The following PRMT3 variants were observed in gnomAD, a reference collection of about 807,000 sequenced individuals.
PRMT3 encodes protein arginine N-methyltransferase 3.
In PRMT3, 62 loss-of-function variants were observed where a neutral mutation model predicts 71.9. That is an observed-to-expected ratio of 0.86 (90% CI 0.70 to 1.07). PRMT3 has a LOEUF of 1.07. Ranked by LOEUF, PRMT3 falls within the 50% of genes least tolerant of loss-of-function variation. The pLI is 0.00. For missense variants in PRMT3, 663 were observed against 643.0 expected, an observed-to-expected ratio of 1.03 and a Z score of -0.34; for synonymous variants, 213 against 220.4, an observed-to-expected ratio of 0.97 and a Z score of 0.30.
intron 3 of PRMT3, among the ~76,000 whole-genome samples, chr11:20,390,584 TACTC>T (rs937552729): frequency 2.0e-5 from 3 of 152,236 alleles, no homozygotes; most frequent in Non-Finnish European, 2.9e-5. Context: ...ATATGCAAAA[TACTC>T]AGGTGATGTT....
intron 4 of PRMT3, among the ~76,000 whole-genome samples, chr11:20,392,598 A>G (rs1014738487): frequency 6.7e-6 from 1 of 148,386 alleles, no homozygotes; most frequent in Non-Finnish European, 1.5e-5. Context: ...GCTCTTTTTT[A>G]TTCTGTTTTT....
chr11:20,425,643 C>G (rs1849529782), intron 9 of PRMT3, among the ~76,000 whole-genome samples: 1 of 152,144 alleles, frequency 6.6e-6, no homozygotes, highest in Non-Finnish European at 1.5e-5. Context: ...TGGAGGAAGC[C>G]AGGCACAAAA....
At chr11:20,475,503 T>C (rs903691954) in intron 13 of PRMT3, among the ~76,000 whole-genome samples, 53 of 152,330 alleles carry the variant, frequency 3.5e-4, no homozygotes, top group African/African-American at 1.1e-3. Flanking sequence ...TATAATCTTA[T>C]GTGACCACCA....
At chr11:20,391,789 A>C (rs1848721746) in intron 3 of PRMT3, among the ~76,000 whole-genome samples, 2 of 152,152 alleles carry the variant, frequency 1.3e-5, no homozygotes, top group Non-Finnish European at 2.9e-5. Context: ...GCATCATTTA[A>C]CTTCATGTAA....
intron 13 of PRMT3, among the ~76,000 whole-genome samples, chr11:20,492,248 G>A (rs181453079): frequency 1.3e-5 from 2 of 152,260 alleles, no homozygotes; most frequent in Non-Finnish European, 2.9e-5. Flanking sequence ...GTATAGTGGT[G>A]AACAAGACAG....
At chr11:20,479,120 C>G (rs1335535226) in intron 13 of PRMT3, among the ~76,000 whole-genome samples, 1 of 152,038 alleles carries the variant, frequency 6.6e-6, no homozygotes, top group Non-Finnish European at 1.5e-5. Flanking sequence ...TTATGTGATC[C>G]CACCTCTACA....
intron 5 of PRMT3, among the ~76,000 whole-genome samples, chr11:20,394,296 A>C (rs1250342058): frequency 6.6e-6 from 1 of 152,226 alleles, no homozygotes; most frequent in Non-Finnish European, 1.5e-5. Flanking sequence ...CTCTTTGTAG[A>C]GAAGTGAAAT....
chr11:20,414,445 G>C (rs1263937298), intron 9 of PRMT3, among the ~76,000 whole-genome samples: 1 of 152,050 alleles, frequency 6.6e-6, no homozygotes, highest in Non-Finnish European at 1.5e-5. Flanking sequence ...ATCAGAAATT[G>C]TTTCTTATTT....
At chr11:20,468,000 G>T (rs1234740165) in intron 13 of PRMT3, among the ~76,000 whole-genome samples, 5 of 152,116 alleles carry the variant, frequency 3.3e-5, no homozygotes, top group Admixed American at 6.5e-5. Context: ...TGGATTAGTC[G>T]CCCAGTTTAT....
intron 9 of PRMT3, among the ~76,000 whole-genome samples, chr11:20,424,228 A>C (rs895214358): frequency 1.1e-4 from 16 of 147,500 alleles, no homozygotes; most frequent in African/African-American, 3.5e-4. Flanking sequence ...AATGATCAAG[A>C]ATAGCCAGAA....
chr11:20,457,154 T>C (rs1294998614), intron 11 of PRMT3, among the ~76,000 whole-genome samples: 1 of 152,174 alleles, frequency 6.6e-6, no homozygotes, highest in South Asian at 2.1e-4. Flanking sequence ...GTTTTTGCCT[T>C]GTCATCTCAT....
At chr11:20,494,362 G>C in intron 15 of PRMT3, 108 bp downstream of exon 15, 1 of 965,430 alleles carries the variant, frequency 1.0e-6, no homozygotes, top group East Asian at 2.5e-5. Flanking sequence ...TTTTTGAGAC[G>C]GAGTCTCGCT....
chr11:20,392,968 A>G lies in PRMT3; in HGVS notation c.369A>G (p.Pro123=). Reference sequence around the variant, plus strand: ...GGGAGAAAGAAGAGTATTTGAAGCCAGTATTAGAAGATGACCTTTTACTTC... The same window carrying G: ...GGGAGAAAGAAGAGTATTTGAAGCCGGTATTAGAAGATGACCTTTTACTTC... ...VPWEKEEYLK[P]VLEDDLLLQF... The change falls in exon 5 of 16, where the codon CCA becomes CCG. Residue 123 remains proline, a synonymous_variant. Coordinates refer to ENST00000331079, the MANE Select transcript of PRMT3 (RefSeq NM_005788.4). 1.2e-6 allele frequency: 2 copies of G among 1,604,150 alleles called. No individual in the cohort carries two copies. The highest frequency in any genetic ancestry group is 1.7e-6 in the Non-Finnish European group (2 of 1,171,040).
intron 10 of PRMT3, among the ~76,000 whole-genome samples, chr11:20,441,981 C>A (rs1432796566): frequency 1.3e-5 from 2 of 152,058 alleles, no homozygotes; most frequent in African/African-American, 4.8e-5. Flanking sequence ...TTAGTAGAGA[C>A]GGGGTTTCGC....
At chr11:20,470,632 A>G (rs944071484) in intron 13 of PRMT3, among the ~76,000 whole-genome samples, 11 of 152,154 alleles carry the variant, frequency 7.2e-5, no homozygotes, top group African/African-American at 2.2e-4. Flanking sequence ...TTCTTTATCC[A>G]GTCTACCATT....
intron 13 of PRMT3, among the ~76,000 whole-genome samples, chr11:20,476,649 AATTC>A (rs1455854741): frequency 6.6e-6 from 1 of 152,006 alleles, no homozygotes; most frequent in African/African-American, 2.4e-5. Context: ...CCTACTTTTT[AATTC>A]ATTATTTCTT....
At chr11:20,409,898 A>G (rs1420375268) in intron 9 of PRMT3, among the ~76,000 whole-genome samples, 6 of 152,080 alleles carry the variant, frequency 3.9e-5, no homozygotes, top group Non-Finnish European at 7.4e-5. Context: ...AGAATTCTCA[A>G]AATTTTATTG....
At chr11:20,432,829 C>G (rs1487022480) in intron 10 of PRMT3, among the ~76,000 whole-genome samples, 1 of 151,890 alleles carries the variant, frequency 6.6e-6, no homozygotes, top group East Asian at 1.9e-4. Context: ...TTTAATATAC[C>G]TGCTGGCCTT....
intron 13 of PRMT3, among the ~76,000 whole-genome samples, chr11:20,467,804 G>A (rs1025330190): frequency 2.0e-5 from 3 of 152,114 alleles, no homozygotes; most frequent in Non-Finnish European, 2.9e-5. Context: ...TAACTCTAAC[G>A]TGAGCTTGAC....
Sources: gnomAD v4.1 joint callset for allele counts (sites outside exome capture counted in the v4.1 genomes callset) on GRCh38, gnomAD v4.1.1 for gene constraint, MANE v1.5 for transcripts, NCBI Gene and HGNC (gene_info 2026-07-23, HGNC 2026-07-21) for gene names.